Variants in GAS7 observed in about 807,000 individuals in gnomAD.
The protein encoded by GAS7 is growth arrest specific 7.
In GAS7, 28 loss-of-function variants were observed where a neutral mutation model predicts 71.1. The observed-to-expected ratio is 0.39, with a 90% CI of 0.29 to 0.54. The LOEUF is 0.54. GAS7 is among the 20% of genes least tolerant of loss of function. GAS7 has a pLI of 0.62. For missense variants in GAS7, 436 were observed against 627.8 expected (o/e 0.69, Z 3.27); for synonymous variants, 258 against 245.8 (o/e 1.05, Z -0.46).
At chr17:10,008,936 A>T (rs1488386961) in intron 2 of GAS7, among the ~76,000 whole-genome samples, 1 of 152,208 alleles carries the variant, frequency 6.6e-6, no homozygotes, top group Non-Finnish European at 1.5e-5. Flanking sequence ...TTCTCAGAGG[A>T]ACTTTTATTA....
chr17:10,161,631 C>A (rs1407641143), intron 1 of GAS7, among the ~76,000 whole-genome samples: 3 of 152,212 alleles, frequency 2.0e-5, no homozygotes, highest in African/African-American at 7.2e-5. Flanking sequence ...AACAGTTAAT[C>A]TTGACAGATC....
At chr17:10,053,070 T>C (rs746368935) in intron 1 of GAS7, among the ~76,000 whole-genome samples, 1 of 152,146 alleles carries the variant, frequency 6.6e-6, no homozygotes, top group African/African-American at 2.4e-5. Flanking sequence ...TTTCTTACTT[T>C]CCTGTGGTCA....
chr17:10,013,651 C>T (rs2071872076), intron 2 of GAS7, among the ~76,000 whole-genome samples: 1 of 152,250 alleles, frequency 6.6e-6, no homozygotes, highest in Admixed American at 6.5e-5. Flanking sequence ...ACCACTGAAA[C>T]TTCCTGTTAG....
chr17:10,108,005 A>G (rs1259686307), intron 1 of GAS7, among the ~76,000 whole-genome samples: 1 of 151,688 alleles, frequency 6.6e-6, no homozygotes, highest in Non-Finnish European at 1.5e-5. Flanking sequence ...GGACTGGGCA[A>G]GAGAATCACT....
At chr17:10,090,438 A>G (rs1190521311) in intron 1 of GAS7, among the ~76,000 whole-genome samples, 1 of 152,180 alleles carries the variant, frequency 6.6e-6, no homozygotes, top group African/African-American at 2.4e-5. Context: ...ATCTCTCACA[A>G]ACTTCAGAAT....
At chr17:10,053,721 C>T (rs886355787) in intron 1 of GAS7, among the ~76,000 whole-genome samples, 3 of 152,302 alleles carry the variant, frequency 2.0e-5, no homozygotes, top group East Asian at 3.9e-4. Flanking sequence ...CAGCCCTCTC[C>T]GCAGGTACCG....
At chr17:10,019,712 G>A (rs944070266) in intron 2 of GAS7, 65 bp downstream of exon 2, 31 of 1,498,590 alleles carry the variant, frequency 2.1e-5, no homozygotes, top group Non-Finnish European at 2.5e-5. Flanking sequence ...GAGAAAAAAC[G>A]TGCCCCTCTA....
intron 1 of GAS7, among the ~76,000 whole-genome samples, chr17:10,102,488 A>G (rs1285654864): frequency 1.3e-5 from 2 of 152,124 alleles, no homozygotes; most frequent in Admixed American, 1.3e-4. Flanking sequence ...GGGCAGCTAG[A>G]ATGGCCTCCG....
intron 1 of GAS7, among the ~76,000 whole-genome samples, chr17:10,191,877 A>G (rs1206116654): frequency 6.8e-6 from 1 of 146,534 alleles, no homozygotes; most frequent in Non-Finnish European, 1.5e-5. Context: ...TCCATCTCAA[A>G]AAAAAAAAAA....
intron 1 of GAS7, among the ~76,000 whole-genome samples, chr17:10,174,691 C>CA (rs1319531305): frequency 5.4e-5 from 8 of 148,840 alleles, no homozygotes; most frequent in East Asian, 4.0e-4. Context: ...GACTCCGTAT[C>CA]AAAAAAAATA....
At chr17:10,171,995 T>C (rs1479086166) in intron 1 of GAS7, among the ~76,000 whole-genome samples, 2 of 152,138 alleles carry the variant, frequency 1.3e-5, no homozygotes, top group African/African-American at 2.4e-5. Flanking sequence ...AAGCTTCAAG[T>C]TCAGCTGGGA....
At chr17:10,107,117 C>G (rs905970447) in intron 1 of GAS7, among the ~76,000 whole-genome samples, 2 of 152,198 alleles carry the variant, frequency 1.3e-5, no homozygotes, top group Non-Finnish European at 2.9e-5. Context: ...CTGCCGACAC[C>G]TTAATTTTTA....
At chr17:10,097,013 C>A (rs138420257) in intron 1 of GAS7, among the ~76,000 whole-genome samples, 397 of 152,314 alleles carry the variant, frequency 2.6e-3, no homozygotes, top group African/African-American at 9.1e-3. Context: ...ACAACAAATA[C>A]CCCAAAAAAC....
At chr17:9,972,129 A>G (rs3786092) in intron 3 of GAS7, among the ~76,000 whole-genome samples, 23,403 of 152,230 alleles carry the variant, frequency 0.15, 2,400 homozygotes, top group African/African-American at 0.29. Flanking sequence ...TAGAAGCTTG[A>G]GGGAAGCAAC....
chr17:10,042,237 G>A (rs1336908270), intron 1 of GAS7, among the ~76,000 whole-genome samples: 2 of 150,020 alleles, frequency 1.3e-5, no homozygotes, highest in Admixed American at 1.3e-4. Flanking sequence ...AGAGGTTGCA[G>A]TGAGCTGAGA....
chr17:9,982,047 T>C (rs1333010751), intron 2 of GAS7, among the ~76,000 whole-genome samples, 163 bp from the exon 3 acceptor site: 3 of 152,114 alleles, frequency 2.0e-5, no homozygotes, highest in African/African-American at 7.2e-5. Context: ...TGCTCCCATA[T>C]CCATCCATCT....
In GAS7 at chr17:10,135,904, G is replaced by GT. The variant is rs2074033979; in HGVS notation, c.183+62303dup. ...AAACAGTAGGGGAAGACTTGAGGCTGTAATATTAGGGAGAGATGAAGACGA... is the reference window on the plus strand; with the variant it reads ...AAACAGTAGGGGAAGACTTGAGGCTGTTAATATTAGGGAGAGATGAAGACGA... On this transcript the variant is annotated intron_variant, in intron 1 of 13. Coordinates refer to ENST00000432992, the MANE Select transcript of GAS7 (RefSeq NM_201433.2). Among the ~76,000 whole-genome samples the GT allele has an allele frequency of 2.0e-5, 3 of 152,284 alleles. No homozygotes were observed. In the South Asian group the frequency reaches 6.2e-4, roughly 32 times the overall value.
In GAS7 at chr17:9,915,511, T is replaced by C. The variant is rs938888003; in HGVS notation, c.*1717A>G. 3.1e-5 allele frequency: 7 copies of C among 228,394 alleles called. No homozygotes were observed. Among genetic ancestry groups the C allele is most frequent in the Non-Finnish European group, 6.1e-5 (7 of 114,946 alleles). 14.1% of individuals were successfully genotyped at this position (228,394 alleles called of 1,614,324 possible). Reference sequence around the variant, plus strand: ...AGGCCTTTGTGCTGACCTTTTTGGTTGCAATGTTTCAAGAACAAGAGAAAA... The same window carrying C: ...AGGCCTTTGTGCTGACCTTTTTGGTCGCAATGTTTCAAGAACAAGAGAAAA... On this transcript the variant is annotated 3_prime_UTR_variant, in exon 14 of 14. Coordinates refer to ENST00000432992, the MANE Select transcript of GAS7 (RefSeq NM_201433.2).
intron 1 of GAS7, among the ~76,000 whole-genome samples, chr17:10,039,179 A>G (rs914099814): frequency 6.6e-6 from 1 of 152,008 alleles, no homozygotes; most frequent in African/African-American, 2.4e-5. Flanking sequence ...TATACATTTA[A>G]AACTGATGGA....
Sources: allele counts gnomAD v4.1 joint callset (sites outside exome capture counted in the v4.1 genomes callset), GRCh38; gene constraint gnomAD v4.1.1; transcripts MANE v1.5; gene names NCBI Gene and HGNC (gene_info 2026-07-23, HGNC 2026-07-21).